The following PUM2 variants were observed in gnomAD, a reference collection of about 807,000 sequenced individuals.
PUM2 encodes the protein pumilio homolog 2.
A neutral mutation model predicts 124.5 loss-of-function variants in PUM2; 57 were observed. The observed-to-expected ratio is 0.46, with a 90% CI of 0.37 to 0.57. PUM2 has a LOEUF of 0.57. PUM2 is among the 20% of genes least tolerant of loss of function. The pLI, the probability that PUM2 is intolerant of heterozygous loss-of-function variation, is 0.00. For synonymous variants in PUM2, 460 were observed against 446.1 expected (o/e 1.03, Z -0.39); for missense variants, 1,065 against 1,290.6 (o/e 0.83, Z 2.68).
At chr2:20,337,128 G>A (rs185922415) in intron 1 of PUM2, among the ~76,000 whole-genome samples, 61 of 151,964 alleles carry the variant, frequency 4.0e-4, no homozygotes, top group African/African-American at 1.4e-3. Flanking sequence ...TTTGAAGCGG[G>A]GGAAGCAGAT....
intron 1 of PUM2, among the ~76,000 whole-genome samples, chr2:20,328,991 C>T (rs1031139217): frequency 1.3e-5 from 2 of 151,834 alleles, no homozygotes; most frequent in African/African-American, 2.4e-5. Context: ...GGCAACATGG[C>T]GACACTCGAT....
Position 20,295,258 on chromosome 2 carries a change from A to G in PUM2, c.1010-740T>C, listed in dbSNP as rs1029849713. ...TAGAAAGTAAATAGTTTTATGCACA[A>G]TAAGCTTCACCATTAAAGTAATGAA... is the stretch of plus-strand genomic sequence containing the variant. On this transcript the variant is annotated intron_variant, in intron 8 of 20. Transcript: ENST00000361078. Among the ~76,000 whole-genome samples, 20 of 152,208 alleles carry G rather than the reference A, an allele frequency of 1.3e-4. 1 individual carries two copies. The highest frequency in any genetic ancestry group is 1.0e-3 in the Admixed American group (16 of 15,278).
rs944420704 is a variant in PUM2, at chr2:20,249,835, AGTTT to A, written c.*1746_*1749del. On this transcript the variant is annotated 3_prime_UTR_variant, in exon 21 of 21. Transcript: ENST00000361078. ...TTTCAGAAACTGAATATACACAGCAAGTTTTTTTCCAAAATATTTTCATAGGCAA... is the reference window on the plus strand; with the variant it reads ...TTTCAGAAACTGAATATACACAGCAATTTTCCAAAATATTTTCATAGGCAA... 9.8e-5 allele frequency: 15 copies of A among 152,666 alleles called. No individual in the cohort carries two copies. Among genetic ancestry groups the A allele is most frequent in the African/African-American group, 3.6e-4 (15 of 41,468 alleles). The allele number at this position is 152,666 out of a possible 1,614,324, so 9.5% of individuals were successfully genotyped here.
At chr2:20,260,624 T>C (rs1383981511) in intron 14 of PUM2, among the ~76,000 whole-genome samples, 158 bp from the exon 15 acceptor site, 1 of 152,212 alleles carries the variant, frequency 6.6e-6, no homozygotes, top group Non-Finnish European at 1.5e-5. Context: ...ACAAAAGTTA[T>C]ATAGCATTTC....
intron 1 of PUM2, among the ~76,000 whole-genome samples, chr2:20,328,764 T>A (rs180826601): frequency 3.4e-4 from 51 of 152,220 alleles, no homozygotes; most frequent in Admixed American, 1.8e-3. Context: ...GATTTCTAAT[T>A]TGAAGAATAG....
At chr2:20,269,572 A>G (rs1294863570) in intron 13 of PUM2, among the ~76,000 whole-genome samples, 2 of 152,196 alleles carry the variant, frequency 1.3e-5, no homozygotes, top group Admixed American at 6.5e-5. Flanking sequence ...GTTTAAAAAA[A>G]CAAAGTGGGC....
intron 7 of PUM2, among the ~76,000 whole-genome samples, chr2:20,301,611 A>T (rs1676995360): frequency 6.6e-6 from 1 of 151,828 alleles, no homozygotes; most frequent in South Asian, 2.1e-4. Context: ...TTTTGAGACA[A>T]GGTCTTGCTC....
At chr2:20,330,156 G>C (rs1047544063) in intron 1 of PUM2, among the ~76,000 whole-genome samples, 1 of 152,090 alleles carries the variant, frequency 6.6e-6, no homozygotes, top group African/African-American at 2.4e-5. Flanking sequence ...GAAATAATGG[G>C]GCCCAGAACA....
upstream of PUM2, among the ~76,000 whole-genome samples, chr2:20,351,873 C>T (rs1005274628): frequency 1.3e-5 from 2 of 152,208 alleles, no homozygotes; most frequent in African/African-American, 4.8e-5. Flanking sequence ...CCGCAAGTGC[C>T]TGTTGAATAC....
At chr2:20,288,094 T>C (rs1673135667) in intron 10 of PUM2, among the ~76,000 whole-genome samples, 2 of 152,218 alleles carry the variant, frequency 1.3e-5, no homozygotes, top group Non-Finnish European at 2.9e-5. Flanking sequence ...ACTTTTCCTA[T>C]CTGAAACGAA....
intron 3 of PUM2, among the ~76,000 whole-genome samples, chr2:20,317,227 T>C (rs1023305356): frequency 6.6e-6 from 1 of 152,014 alleles, no homozygotes; most frequent in South Asian, 2.1e-4. Context: ...TTAACTATGA[T>C]CTTTAATTTG....
intron 16 of PUM2, among the ~76,000 whole-genome samples, chr2:20,257,043 C>CAAAAAAAAAAAAAAAA (rs58072146): frequency 1.7e-4 from 12 of 71,798 alleles, no homozygotes; most frequent in African/African-American, 3.6e-4. Context: ...GATTCCGTCT[C>CAAAAAAAAAAAAAAAA]AAAAAAAAAA....
chr2:20,326,355 C>T (rs1468181108), intron 2 of PUM2: 2 of 1,303,990 alleles, frequency 1.5e-6, no homozygotes, highest in Non-Finnish European at 2.0e-6. Flanking sequence ...CTCTTGTGGC[C>T]CAAAGGAGAG....
intron 5 of PUM2, 114 bp downstream of exon 5, chr2:20,311,379 CA>C: frequency 8.2e-7 from 1 of 1,213,492 alleles, no homozygotes; most frequent in Non-Finnish European, 1.1e-6. Context: ...CAGATTAACA[CA>C]AAGTTCAAAG....
rs1240137528 is a variant in PUM2, at chr2:20,256,257, T to C, written c.2485-87A>G. The C allele has an allele frequency of 4.0e-6, 5 of 1,263,236 alleles. No individual in the cohort carries two copies. In the African/African-American group the frequency reaches 6.4e-5, roughly 16 times the overall value. The allele number at this position is 1,263,236 out of a possible 1,614,324, so 78.3% of individuals were successfully genotyped here. ...ATCTCAGTATTAAAAATTAAAAATA[T>C]TAAAAATCTCAGTATATTTATCTCA... is the stretch of plus-strand genomic sequence containing the variant. On this transcript the variant is annotated intron_variant, in intron 16 of 20. Transcript: ENST00000361078.
intron 2 of PUM2, among the ~76,000 whole-genome samples, chr2:20,326,766 T>A (rs541684074): frequency 1.2e-4 from 18 of 152,252 alleles, no homozygotes; most frequent in African/African-American, 4.3e-4. Context: ...GGGAGACAAG[T>A]GTAAAACAAA....
chr2:20,342,305 G>A (rs1211261049), intron 1 of PUM2, among the ~76,000 whole-genome samples: 1 of 152,156 alleles, frequency 6.6e-6, no homozygotes, highest in Non-Finnish European at 1.5e-5. Flanking sequence ...CACCAACTCA[G>A]TGTTCTCAGA....
chr2:20,283,191 T>C lies in PUM2; in HGVS notation c.1476A>G (p.Thr492=). 1 of 1,614,100 alleles carries C rather than the reference T, an allele frequency of 6.2e-7. No homozygotes were observed. The highest frequency in any genetic ancestry group is 8.5e-7 in the Non-Finnish European group (1 of 1,179,984). ...AAAGGTASSL[T]GSTNGLFRPI... ...GCCGAAACAGACCATTTGTGCTGCC[T>C]GTAAGGCTACTTGCAGTTCCTCCAG... The change falls in exon 12 of 21, where the codon ACA becomes ACG. Residue 492 remains threonine, a synonymous_variant. Coordinates refer to ENST00000361078, the MANE Select transcript of PUM2 (RefSeq NM_015317.5).
At position 20,283,355 on chromosome 2, in the gene PUM2, C is replaced by T; in HGVS notation, c.1423G>A (p.Ala475Thr). ...APTPVLISSA[A>T]AQAAAAAAAG... ...CAGTTACACTTACCAGCTTGTGCTG[C>T]TGCTGAACTAATTAAAACAGGTGTT... The change falls in exon 11 of 21, where the codon GCA becomes ACA. Residue 475 changes from alanine (A) to threonine (T), a missense_variant. Physicochemically the swap from Ala to Thr is moderately conservative, Grantham distance 58. This residue lies in a region of PUM2 where 968 missense variants were observed against 1,159.8 expected (regional missense o/e 0.83). Transcript: ENST00000361078. The T allele has an allele frequency of 6.2e-7, 1 of 1,614,076 alleles. No individual in the cohort carries two copies. Among genetic ancestry groups the T allele is most frequent in the Non-Finnish European group, 8.5e-7 (1 of 1,180,018 alleles).
Sources: gnomAD v4.1 joint callset for allele counts (sites outside exome capture counted in the v4.1 genomes callset) on GRCh38, gnomAD v4.1.1 for gene constraint, gnomAD v4.1.1 regional missense constraint, MANE v1.5 for transcripts, NCBI Gene and HGNC (gene_info 2026-07-23, HGNC 2026-07-21) for gene names.